ADAMTSL1: variants seen among roughly 807,000 people sequenced by gnomAD.
The protein encoded by ADAMTSL1 is ADAMTS-like protein 1.
A neutral mutation model predicts 201.8 loss-of-function variants in ADAMTSL1; 126 were observed. The observed-to-expected ratio is 0.62, with a 90% CI of 0.54 to 0.72. The LOEUF (loss-of-function observed/expected upper bound fraction) is 0.72. Ranked by LOEUF, ADAMTSL1 falls within the 30% of genes least tolerant of loss-of-function variation. The pLI, the probability that ADAMTSL1 is intolerant of heterozygous loss-of-function variation, is 0.00. For missense variants in ADAMTSL1, 2,679 were observed against 2,277.8 expected, an observed-to-expected ratio of 1.18 and a Z score of -3.59; for synonymous variants, 1,121 against 903.4, an observed-to-expected ratio of 1.24 and a Z score of -4.32.
rs866408538 is a variant in ADAMTSL1 at position 18,294,108 on chromosome 9, G to T, written c.207+130127G>T. On this transcript the variant is annotated intron_variant, in intron 2 of 29. Coordinates refer to the ADAMTSL1 transcript ENST00000680146. ...TATAAAACACAGAGGCATTACTGGGGATAAATGAACCAATATGAATGAAAT... is the reference window on the plus strand; with the variant it reads ...TATAAAACACAGAGGCATTACTGGGTATAAATGAACCAATATGAATGAAAT... Among the ~76,000 whole-genome samples, 7 of 152,264 alleles carry T rather than the reference G, an allele frequency of 4.6e-5. No individual in the cohort carries two copies. The Middle Eastern group carries it at 0.014, about 296-fold the overall frequency.
intron 2 of ADAMTSL1, among the ~76,000 whole-genome samples, chr9:18,354,547 C>T (rs1470685686): frequency 2.0e-5 from 3 of 152,254 alleles, no homozygotes; most frequent in Middle Eastern, 3.4e-3. Flanking sequence ...ATTTCATTAT[C>T]CCTTCCTCTG....
At chr9:18,818,612 C>T (rs1824009433) in intron 21 of ADAMTSL1, among the ~76,000 whole-genome samples, 1 of 151,892 alleles carries the variant, frequency 6.6e-6, no homozygotes. Flanking sequence ...GGCAACATGG[C>T]AAAACCTTGT....
Position 18,071,788 on chromosome 9 carries a change from C to T in ADAMTSL1, c.88-92074C>T, listed in dbSNP as rs554277797. ...AGTACAGCCGGTGAATTATTTGATG[C>T]GTTGTGTGTTCCAGGATGACTCAAT... On this transcript the variant is annotated intron_variant, in intron 1 of 29. Transcript: ENST00000680146. Among the ~76,000 whole-genome samples the T allele has an allele frequency of 3.4e-4, 52 of 152,238 alleles. No individual in the cohort carries two copies. In the South Asian group the frequency reaches 0.01, roughly 30 times the overall value.
intron 2 of ADAMTSL1, among the ~76,000 whole-genome samples, chr9:18,308,363 T>C (rs543005056): frequency 6.6e-6 from 1 of 151,448 alleles, no homozygotes; most frequent in Non-Finnish European, 1.5e-5. Flanking sequence ...TTGAAGGAGA[T>C]AGAGACACGA....
At chr9:18,486,091 G>C (rs1432934287) in intron 1 of ADAMTSL1, among the ~76,000 whole-genome samples, 1 of 152,208 alleles carries the variant, frequency 6.6e-6, no homozygotes, top group Non-Finnish European at 1.5e-5. Flanking sequence ...AGATCCCACT[G>C]TTTAGCATAG....
chr9:18,468,854 T>C (rs1239751051), intron 2 of ADAMTSL1, among the ~76,000 whole-genome samples: 1 of 152,194 alleles, frequency 6.6e-6, no homozygotes, highest in Admixed American at 6.5e-5. Context: ...GCCGAGGCCC[T>C]TGGGGCTTCT....
At chr9:18,160,937 C>G (rs1827361481) in intron 1 of ADAMTSL1, among the ~76,000 whole-genome samples, 1 of 150,958 alleles carries the variant, frequency 6.6e-6, no homozygotes, top group Non-Finnish European at 1.5e-5. Context: ...TTCCTCGTGC[C>G]TCAGCCTCTC....
At chr9:18,808,765 C>T (rs1003697704) in intron 20 of ADAMTSL1, among the ~76,000 whole-genome samples, 1 of 152,178 alleles carries the variant, frequency 6.6e-6, no homozygotes, top group Non-Finnish European at 1.5e-5. Context: ...AGCCAGTCCA[C>T]AGACAAAGAT....
At chr9:18,542,304 G>T (rs931247065) in intron 3 of ADAMTSL1, among the ~76,000 whole-genome samples, 2 of 152,126 alleles carry the variant, frequency 1.3e-5, no homozygotes, top group African/African-American at 2.4e-5. Context: ...TGAGGATTAT[G>T]TGAGAAAATG....
intron 23 of ADAMTSL1, among the ~76,000 whole-genome samples, chr9:18,841,002 T>C (rs1350488077): frequency 1.2e-4 from 17 of 147,324 alleles, no homozygotes; most frequent in African/African-American, 4.0e-4. Context: ...TTTGACTTCC[T>C]CTTTTCCTAA....
chr9:18,359,542 T>C (rs1836408999), intron 2 of ADAMTSL1, among the ~76,000 whole-genome samples: 1 of 152,166 alleles, frequency 6.6e-6, no homozygotes, highest in Admixed American at 6.5e-5. Flanking sequence ...TGAATCAAGG[T>C]CCTTGCCAGT....
At chr9:18,332,961 T>C (rs1267472838) in intron 2 of ADAMTSL1, among the ~76,000 whole-genome samples, 1 of 152,122 alleles carries the variant, frequency 6.6e-6, no homozygotes, top group East Asian at 1.9e-4. Flanking sequence ...AGGAATAAAA[T>C]GGTATTATGT....
intron 1 of ADAMTSL1, among the ~76,000 whole-genome samples, chr9:17,967,561 A>G (rs1818026689): frequency 6.6e-6 from 1 of 152,104 alleles, no homozygotes; most frequent in Admixed American, 6.6e-5. Flanking sequence ...AACCATATAG[A>G]TGACAAAAAA....
At chr9:18,725,209 A>G (rs1817802714) in intron 15 of ADAMTSL1, among the ~76,000 whole-genome samples, 1 of 152,158 alleles carries the variant, frequency 6.6e-6, no homozygotes, top group South Asian at 2.1e-4. Flanking sequence ...CCCGGCCAGG[A>G]TTGAACCTTT....
At chr9:18,518,486 C>G (rs1398092509) in intron 2 of ADAMTSL1, among the ~76,000 whole-genome samples, 2 of 152,146 alleles carry the variant, frequency 1.3e-5, no homozygotes, top group African/African-American at 4.8e-5. Flanking sequence ...TGATTTCATT[C>G]TTTTTATGGC....
In ADAMTSL1 at chr9:18,021,013, G is replaced by A. The variant is rs573407343; in HGVS notation, c.87+114091G>A. Among the ~76,000 whole-genome samples, 7 of 152,164 alleles carry A rather than the reference G, an allele frequency of 4.6e-5. No individual in the cohort carries two copies. The East Asian group carries it at 1.2e-3, about 25-fold the overall frequency. Reference sequence around the variant, plus strand: ...TGCCACTCAAAGGATGGTCTGCACAGTGGTACTGTCGACATCACCTGGGAT... The same window carrying A: ...TGCCACTCAAAGGATGGTCTGCACAATGGTACTGTCGACATCACCTGGGAT... On this transcript the variant is annotated intron_variant, in intron 1 of 29. Transcript: ENST00000680146.
At chr9:18,330,184 G>C (rs1327738469) in intron 2 of ADAMTSL1, among the ~76,000 whole-genome samples, 1 of 152,188 alleles carries the variant, frequency 6.6e-6, no homozygotes, top group East Asian at 1.9e-4. Context: ...TTGCAAGGTA[G>C]TTTGGAGGAC....
In ADAMTSL1 at chr9:18,802,674, G is replaced by C. The variant is rs556686033; in HGVS notation, c.3805+7150G>C. On this transcript the variant is annotated intron_variant, in intron 20 of 28. Transcript: ENST00000380548. The stretch of plus-strand genomic sequence containing the variant: ...GAATAAAGCTGCTATGAAGATTCAC[G>C]TACATGTTTTTATGTGGACATATTT... Among the ~76,000 whole-genome samples the C allele has an allele frequency of 5.3e-5, 8 of 152,120 alleles. No individual in the cohort carries two copies. The South Asian group carries it at 1.0e-3, about 20-fold the overall frequency.
intron 2 of ADAMTSL1, among the ~76,000 whole-genome samples, chr9:18,353,895 T>C (rs907680832): frequency 6.6e-6 from 1 of 152,070 alleles, no homozygotes; most frequent in African/African-American, 2.4e-5. Flanking sequence ...CTTTGAAAAT[T>C]CAGTCAATTA....
Sources: allele counts gnomAD v4.1 joint callset (sites outside exome capture counted in the v4.1 genomes callset), GRCh38; gene constraint gnomAD v4.1.1; transcripts MANE v1.5; gene names NCBI Gene and HGNC (gene_info 2026-07-23, HGNC 2026-07-21).